The following CNOT10 variants were observed in gnomAD, a reference collection of about 807,000 sequenced individuals.
CNOT10 encodes CCR4-NOT transcription complex subunit 10, also known as CCR4-NOT transcription complex, subunit 10.
Under a neutral mutation model 94.6 loss-of-function variants are expected in CNOT10, and 30 were observed. The ratio of observed to expected loss-of-function variants is 0.32; its 90% CI spans 0.24 to 0.43. CNOT10 has a LOEUF of 0.43. CNOT10 is among the 20% of genes least tolerant of loss of function. The pLI is 1.00. For missense variants in CNOT10, 759 were observed against 877.2 expected, an observed-to-expected ratio of 0.87 and a Z score of 1.70; for synonymous variants, 289 against 301.6, an observed-to-expected ratio of 0.96 and a Z score of 0.43.
intron 1 of CNOT10, among the ~76,000 whole-genome samples, chr3:32,688,732 G>T (rs1696727088): frequency 6.6e-6 from 1 of 151,848 alleles, no homozygotes; most frequent in Admixed American, 6.6e-5. Flanking sequence ...ACCAGCCTGG[G>T]CAGCATAAGT....
At position 32,703,862 on chromosome 3, in the gene CNOT10, T is replaced by G. The variant is rs1381159944; in HGVS notation, c.23-6T>G. 3 of 1,607,226 alleles carry G rather than the reference T, an allele frequency of 1.9e-6. No individual in the cohort carries two copies. The South Asian group carries it at 3.3e-5, about 18-fold the overall frequency. Reference sequence around the variant, plus strand: ...CTAAAGAACTGTAAAATTTGTGTGTTTGCAGATCAGGGAGCAGAGAAACAT... The same window carrying G: ...CTAAAGAACTGTAAAATTTGTGTGTGTGCAGATCAGGGAGCAGAGAAACAT... On this transcript the variant is annotated splice_polypyrimidine_tract_variant and splice_region_variant and intron_variant, in intron 1 of 18. Coordinates refer to ENST00000328834, the MANE Select transcript of CNOT10 (RefSeq NM_015442.3).
intron 15 of CNOT10, among the ~76,000 whole-genome samples, chr3:32,763,494 T>C (rs1700537856): frequency 6.6e-6 from 1 of 151,630 alleles, no homozygotes; most frequent in Admixed American, 6.6e-5. Flanking sequence ...CTACCAAAAA[T>C]ACAAAATTAG....
In CNOT10 at chr3:32,685,393, C is replaced by A. The variant is rs957140242; in HGVS notation, c.-68C>A. On this transcript the variant is annotated 5_prime_UTR_variant, in exon 1 of 19. Coordinates refer to ENST00000328834, the MANE Select transcript of CNOT10 (RefSeq NM_015442.3). ...AGTTGTCCTCGGAGGTCCAGGACAG[C>A]GGCCAGCCCGGCGGCGGGAGTCAGG... 6.5e-7 allele frequency: 1 copy of A among 1,537,084 alleles called. No homozygotes were observed. The highest frequency in any genetic ancestry group is 8.8e-7 in the Non-Finnish European group (1 of 1,135,282).
chr3:32,708,939 G>GT (rs928150212), intron 4 of CNOT10, 119 bp downstream of exon 4: 6 of 742,216 alleles, frequency 8.1e-6, no homozygotes, highest in African/African-American at 5.4e-5. Flanking sequence ...AAGAAAAGCC[G>GT]TATCAGCTTT....
Position 32,685,299 on chromosome 3 carries a change from C to A in CNOT10, c.-162C>A. ...AGACGACGGGAACTAGCTCTCGTCA[C>A]TTCCTCAGCCCGCCGTCTGCCCACT... is the stretch of plus-strand genomic sequence containing the variant. On this transcript the variant is annotated 5_prime_UTR_variant, in exon 1 of 19. Transcript: ENST00000328834. 1.4e-6 allele frequency: 1 copy of A among 699,416 alleles called. No individual in the cohort carries two copies. The highest frequency in any genetic ancestry group is 2.4e-6 in the Non-Finnish European group (1 of 416,194). 43.3% of individuals were successfully genotyped at this position (699,416 alleles called of 1,614,324 possible). A position where few individuals can be genotyped will look rare whatever the true frequency, so the allele number is the denominator to read the frequency against.
At chr3:32,723,516 G>A (rs1483086622) in intron 8 of CNOT10, among the ~76,000 whole-genome samples, 4 of 152,142 alleles carry the variant, frequency 2.6e-5, no homozygotes, top group African/African-American at 9.7e-5. Context: ...AAACTTGGAT[G>A]AATATTTTAA....
At chr3:32,749,795 G>C (rs1699878663) in intron 13 of CNOT10, among the ~76,000 whole-genome samples, 1 of 151,996 alleles carries the variant, frequency 6.6e-6, no homozygotes. Context: ...TAATAGTAGA[G>C]AAATATCGGG....
chr3:32,709,261 A>G (rs1484019405), intron 4 of CNOT10, among the ~76,000 whole-genome samples: 3 of 152,208 alleles, frequency 2.0e-5, no homozygotes, highest in Non-Finnish European at 4.4e-5. Flanking sequence ...TGCTATCTTA[A>G]TTAGCTTACT....
Position 32,704,791 on chromosome 3 carries a change from G to A in CNOT10, c.118-20G>A. 6.5e-7 allele frequency: 1 copy of A among 1,548,612 alleles called. No individual in the cohort carries two copies. The highest frequency in any genetic ancestry group is 1.4e-5 in the African/African-American group (1 of 69,758). On this transcript the variant is annotated intron_variant, in intron 2 of 18. Transcript: ENST00000328834. ...CTGGTATGTAATTTTGTGTGTGTGTGTGTGGTTTTTTTTTTTTAGTCTGGA... is the reference window on the plus strand; with the variant it reads ...CTGGTATGTAATTTTGTGTGTGTGTATGTGGTTTTTTTTTTTTAGTCTGGA...
chr3:32,746,087 T>C lies in CNOT10; in HGVS notation c.1595+8597T>C, dbSNP rs535923377. Among the ~76,000 whole-genome samples, 15 of 152,382 alleles carry C rather than the reference T, an allele frequency of 9.8e-5. No homozygotes were observed. In the South Asian group the frequency reaches 1.7e-3, roughly 17 times the overall value. ...TCCTTCGCATAAGGTATCTACTGTG[T>C]GATTCCATTTATACCATTTATATGA... On this transcript the variant is annotated intron_variant, in intron 13 of 18. Transcript: ENST00000328834.
chr3:32,723,675 G>A (rs933175915), intron 8 of CNOT10, among the ~76,000 whole-genome samples: 3 of 152,080 alleles, frequency 2.0e-5, no homozygotes, highest in East Asian at 1.9e-4. Context: ...ACCAAGTCAC[G>A]AAACAAATGA....
At chr3:32,708,267 C>T (rs1270474746) in intron 3 of CNOT10, among the ~76,000 whole-genome samples, 1 of 152,092 alleles carries the variant, frequency 6.6e-6, no homozygotes, top group African/African-American at 2.4e-5. Flanking sequence ...TACTACGTGA[C>T]ATTTTTATGG....
intron 1 of CNOT10, among the ~76,000 whole-genome samples, chr3:32,687,438 G>GGTTTTTTGTTTT (rs1559471624): frequency 6.8e-4 from 10 of 14,708 alleles, no homozygotes; most frequent in Middle Eastern, 0.071. Flanking sequence ...AAGTCCTCAC[G>GGTTTTTTGTTTT]GTTTTTTTTT....
At position 32,734,206 on chromosome 3, in the gene CNOT10, G is replaced by C. The variant is rs1250738625; in HGVS notation, c.1338-594G>C. On this transcript the variant is annotated intron_variant, in intron 11 of 18. Transcript: ENST00000328834. ...CAAGAATATTTTTTAAAACTATTAT[G>C]ATAAAGCATTTCAAAGTTTTAAAGC... Among the ~76,000 whole-genome samples, 4 of 152,116 alleles carry C rather than the reference G, an allele frequency of 2.6e-5. No individual in the cohort carries two copies. The East Asian group carries it at 7.7e-4, about 29-fold the overall frequency.
chr3:32,701,898 T>C (rs151292510), intron 1 of CNOT10, among the ~76,000 whole-genome samples: 22,032 of 152,092 alleles, frequency 0.14, 1,716 homozygotes, highest in South Asian at 0.24. Flanking sequence ...GTTCACGCCA[T>C]TCTCCTGCCT....
intron 1 of CNOT10, 118 bp from the exon 2 acceptor site, chr3:32,703,750 A>T: frequency 4.6e-6 from 3 of 654,228 alleles, no homozygotes; most frequent in Non-Finnish European, 5.4e-6. Context: ...GGAATTTTCC[A>T]TCTGATATTT....
At chr3:32,716,859 A>G (rs953435834) in intron 6 of CNOT10, among the ~76,000 whole-genome samples, 3 of 152,172 alleles carry the variant, frequency 2.0e-5, no homozygotes, top group Non-Finnish European at 4.4e-5. Context: ...CATGTTGGCC[A>G]GGCTGGTCTC....
At chr3:32,717,118 C>T (rs778236937) in intron 6 of CNOT10, 36 bp from the exon 7 acceptor site, 38 of 1,224,100 alleles carry the variant, frequency 3.1e-5, no homozygotes, top group Middle Eastern at 2.0e-4. Flanking sequence ...GTAAATCCAC[C>T]ATAGTTTTAA....
intron 13 of CNOT10, among the ~76,000 whole-genome samples, chr3:32,757,668 C>CCT (rs1471738833): frequency 1.3e-5 from 2 of 152,144 alleles, no homozygotes; most frequent in Non-Finnish European, 2.9e-5. Flanking sequence ...GCCACACAGA[C>CCT]CTAACTACTA....
Sources: allele counts gnomAD v4.1 joint callset (sites outside exome capture counted in the v4.1 genomes callset), GRCh38; gene constraint gnomAD v4.1.1; transcripts MANE v1.5; gene names NCBI Gene and HGNC (gene_info 2026-07-23, HGNC 2026-07-21).